The following NXF3 variants were observed in gnomAD, a reference collection of about 807,000 sequenced individuals.
The protein encoded by NXF3 is TAP-like protein 3.
Under a neutral mutation model 48.4 loss-of-function variants are expected in NXF3, and 34 were observed. The ratio of observed to expected loss-of-function variants is 0.70; its 90% CI spans 0.53 to 0.93. The LOEUF is 0.93. Among genes scored for constraint, NXF3 ranks in the 40% least tolerant of loss-of-function variants. The pLI is 0.00. For synonymous variants in NXF3, 132 were observed against 145.7 expected, an observed-to-expected ratio of 0.91 and a Z score of 0.68; for missense variants, 359 against 406.1, an observed-to-expected ratio of 0.88 and a Z score of 1.00.
chrX:103,078,835 A>G (rs1402910794), intron 16 of NXF3, among the ~76,000 whole-genome samples: 2 of 112,030 alleles, frequency 1.8e-5, no homozygotes, highest in African/African-American at 6.5e-5. Context: ...GGCCCCTATC[A>G]TGTGTGGGGC....
chrX:103,086,051 A>T (rs1358779583), intron 1 of NXF3, among the ~76,000 whole-genome samples: 1 of 110,379 alleles, frequency 9.1e-6, no homozygotes, highest in Non-Finnish European at 1.9e-5. Flanking sequence ...ACCTCAAGTG[A>T]TCCGCCCACC....
chrX:103,084,320 T>C (rs1463445871), intron 3 of NXF3, 22 bp downstream of exon 3: 3 of 1,206,797 alleles, frequency 2.5e-6, no homozygotes, highest in Non-Finnish European at 3.4e-6. Context: ...GAACATTAGA[T>C]CCACTTTGCC....
At chrX:103,088,248 CT>C in intron 1 of NXF3, 2 of 645,300 alleles carry the variant, frequency 3.1e-6, no homozygotes, top group Non-Finnish European at 4.8e-6. Context: ...AATTAGATAA[CT>C]TTTGATCCTA....
intron 1 of NXF3, among the ~76,000 whole-genome samples, chrX:103,092,476 T>A (rs1377810701): frequency 1.6e-4 from 18 of 112,795 alleles, no homozygotes; most frequent in Non-Finnish European, 3.2e-4. Context: ...AAAACCACTG[T>A]GATGTGGGAA....
intron 1 of NXF3, among the ~76,000 whole-genome samples, chrX:103,092,520 A>C (rs934064394): frequency 2.7e-5 from 3 of 112,801 alleles, no homozygotes; most frequent in African/African-American, 9.7e-5. Context: ...AGATAAAACT[A>C]GCAGACAAAA....
At chrX:103,087,718 G>A (rs1922187593) in intron 1 of NXF3, 2 of 1,028,819 alleles carry the variant, frequency 1.9e-6, no homozygotes, top group Non-Finnish European at 2.7e-6. Context: ...AGTCAAAACT[G>A]GATAGGCATG....
intron 1 of NXF3, among the ~76,000 whole-genome samples, chrX:103,087,011 C>T (rs1237338081): frequency 1.8e-5 from 2 of 111,951 alleles, no homozygotes; most frequent in Non-Finnish European, 3.8e-5. Flanking sequence ...GGAGAGACTC[C>T]CAGGGAGGGT....
chrX:103,084,516 G>T (rs748028427), intron 2 of NXF3, 21 bp from the exon 3 acceptor site: 18 of 1,207,103 alleles, frequency 1.5e-5, no homozygotes, highest in Non-Finnish European at 2.0e-5. Flanking sequence ...GTGGAGAAAA[G>T]GTAGTTCACA....
chrX:103,081,519 G>A (rs1206519185), intron 9 of NXF3: 1 of 113,041 alleles, frequency 8.8e-6, no homozygotes, highest in East Asian at 2.8e-4. Context: ...GCTCCTCTGA[G>A]GACCCAGGCA....
Position 103,088,413 on chromosome X carries a change from T to C in NXF3, c.29-3530A>G, listed in dbSNP as rs1223253224. ...ATAAAAAAAAACATTGACTTTGCGA[T>C]TTTCTTGGCAAAAGCAGTTCCAGAA... On this transcript the variant is annotated intron_variant, in intron 1 of 19. Transcript: ENST00000395065. 1.1e-5 allele frequency: 7 copies of C among 637,838 alleles called. No individual in the cohort carries two copies. The Admixed American group carries it at 1.9e-4, about 17-fold the overall frequency. 52.6% of individuals were successfully genotyped at this position (637,838 alleles called of 1,213,427 possible).
Position 103,082,818 on chromosome X carries a change from G to A in NXF3, c.722C>T (p.Ser241Leu), listed in dbSNP as rs749546689. 7.4e-6 allele frequency: 9 copies of A among 1,210,168 alleles called. No individual in the cohort carries two copies. Among genetic ancestry groups the A allele is most frequent in the East Asian group, 3.0e-5 (1 of 33,792 alleles). Reference protein sequence around the residue: ...DMVNRDTKMASNPRKCMAASL... With the variant: ...DMVNRDTKMALNPRKCMAASL... ...GGCAGCCATGCACTTTCTAGGATTC[G>A]ATGCCATCTTAGTATCACGGTTCAC... Residue 241 changes from serine to leucine, a missense_variant, in exon 8 of 20, where the codon TCG (serine) becomes TTG (leucine). Coordinates refer to ENST00000395065, the MANE Select transcript of NXF3 (RefSeq NM_022052.2).
At chrX:103,086,479 A>G (rs1420931124) in intron 1 of NXF3, among the ~76,000 whole-genome samples, 1 of 111,530 alleles carries the variant, frequency 9.0e-6, no homozygotes, top group Non-Finnish European at 1.9e-5. Flanking sequence ...TTCACTTTCT[A>G]GCCAAATGAG....
intron 2 of NXF3, 107 bp from the exon 3 acceptor site, chrX:103,084,602 C>T (rs1922100701): frequency 8.9e-7 from 1 of 1,121,399 alleles, no homozygotes; most frequent in South Asian, 2.0e-5. Flanking sequence ...AACCATTAAT[C>T]GAGTTCTGTC....
At chrX:103,080,104 C>T in intron 11 of NXF3, 36 bp from the exon 12 acceptor site, 5 of 1,207,932 alleles carry the variant, frequency 4.1e-6, no homozygotes, top group African/African-American at 1.7e-5. Flanking sequence ...CAGATGGTAC[C>T]CCCCCTTCCT....
chrX:103,088,604 A>G (rs2147597580), intron 1 of NXF3: 1 of 997,114 alleles, frequency 1.0e-6, no homozygotes, highest in African/African-American at 1.9e-5. Context: ...AAGGGAAAAC[A>G]TACGTACTAG....
At chrX:103,087,753 C>T in intron 1 of NXF3, 1 of 959,761 alleles carries the variant, frequency 1.0e-6, no homozygotes, top group Non-Finnish European at 1.5e-6. Context: ...GGTCAGAGGC[C>T]TTTTAAATGT....
At chrX:103,092,154 A>G (rs2147599438) in intron 1 of NXF3, among the ~76,000 whole-genome samples, 1 of 111,242 alleles carries the variant, frequency 9.0e-6, no homozygotes, top group East Asian at 2.8e-4. Context: ...TCTAGGCTGT[A>G]ACATGATTAT....
At chrX:103,077,773 G>T in intron 17 of NXF3, 27 bp from the exon 18 acceptor site, 1 of 1,206,165 alleles carries the variant, frequency 8.3e-7, no homozygotes. Context: ...CCATCAGGTA[G>T]CCGGAGAGAA....
chrX:103,077,323 T>C (rs375891323), intron 18 of NXF3, among the ~76,000 whole-genome samples: 28 of 100,440 alleles, frequency 2.8e-4, no homozygotes, highest in African/African-American at 9.7e-4. Context: ...CAATCTCTGC[T>C]CACTGCGAGC....
Sources: allele counts gnomAD v4.1 joint callset (sites outside exome capture counted in the v4.1 genomes callset), GRCh38; gene constraint gnomAD v4.1.1; transcripts MANE v1.5; gene names NCBI Gene and HGNC (gene_info 2026-07-23, HGNC 2026-07-21).